Variants in BBX observed in about 807,000 individuals in gnomAD.
The protein encoded by BBX is HMG box transcription factor BBX.
A neutral mutation model predicts 100.2 loss-of-function variants in BBX; 30 were observed. The ratio of observed to expected loss-of-function variants is 0.30; its 90% CI spans 0.22 to 0.41. The LOEUF (loss-of-function observed/expected upper bound fraction) is 0.41. BBX is among the 10% of genes least tolerant of loss of function. The pLI, the probability that BBX is intolerant of heterozygous loss-of-function variation, is 1.00. For synonymous variants in BBX, 376 were observed against 388.1 expected (o/e 0.97, Z 0.37); for missense variants, 1,023 against 1,129.8 (o/e 0.91, Z 1.35).
At chr3:107,735,396 G>C (rs2063570960) in intron 7 of BBX, among the ~76,000 whole-genome samples, 1 of 152,016 alleles carries the variant, frequency 6.6e-6, no homozygotes, top group African/African-American at 2.4e-5. Flanking sequence ...GAAGTCTGTT[G>C]GTACTGTGAG....
rs574344378 is a variant in BBX, at chr3:107,695,978, G to A, written c.-9-14474G>A. 2.7e-3 allele frequency among the ~76,000 whole-genome samples: 407 copies of A among 151,800 alleles called. 14 individuals are homozygous for A. The highest frequency in any genetic ancestry group is 9.5e-3 in the African/African-American group (389 of 41,142). ...GCCTTCTTTGTCTCTTTTTATCTTT[G>A]TTGGTTTAAAGTCTGTTTTATCAGA... On this transcript the variant is annotated intron_variant, in intron 3 of 17. Coordinates refer to ENST00000325805, the MANE Select transcript of BBX (RefSeq NM_001142568.3).
chr3:107,599,181 T>C (rs1467835711), intron 2 of BBX: 1 of 152,212 alleles, frequency 6.6e-6, no homozygotes, highest in Admixed American at 6.5e-5. Context: ...AGGATGGATG[T>C]TCACGCTGTT....
At chr3:107,660,611 A>C (rs1014469592) in intron 3 of BBX, among the ~76,000 whole-genome samples, 14 of 152,044 alleles carry the variant, frequency 9.2e-5, no homozygotes, top group African/African-American at 3.4e-4. Flanking sequence ...TTCTGGTTTA[A>C]AAATTGCTGA....
In BBX at chr3:107,735,594, T is replaced by C. The variant is rs577798061; in HGVS notation, c.669+2571T>C. ...GTCCTCAAAAGACTATTTTTTTAAA[T>C]ATGAAAATTTTAACATAGGGAATAG... is the stretch of plus-strand genomic sequence containing the variant. On this transcript the variant is annotated intron_variant, in intron 7 of 17. Transcript: ENST00000325805. Among the ~76,000 whole-genome samples, 126 of 152,154 alleles carry C rather than the reference T, an allele frequency of 8.3e-4. 1 individual carries two copies. The highest frequency in any genetic ancestry group is 2.9e-3 in the African/African-American group (122 of 41,560).
At chr3:107,569,227 A>G (rs2051161813) in intron 2 of BBX, among the ~76,000 whole-genome samples, 1 of 152,204 alleles carries the variant, frequency 6.6e-6, no homozygotes, top group Non-Finnish European at 1.5e-5. Flanking sequence ...TACTTCCTTG[A>G]AAGTAACTGA....
chr3:107,583,296 A>G (rs2052421925), intron 2 of BBX, among the ~76,000 whole-genome samples: 1 of 152,018 alleles, frequency 6.6e-6, no homozygotes, highest in South Asian at 2.1e-4. Flanking sequence ...ATTGGAAAGG[A>G]ACTTGCAGAT....
rs1486210096 is a variant in BBX, at chr3:107,526,678, T to C, written c.-84+280T>C. 1.3e-5 allele frequency: 3 copies of C among 236,470 alleles called. No individual in the cohort carries two copies. The East Asian group carries it at 2.5e-4, about 20-fold the overall frequency. The allele number at this position is 236,470 out of a possible 1,614,324, so 14.6% of individuals were successfully genotyped here. On this transcript the variant is annotated intron_variant, in intron 2 of 17. Coordinates refer to ENST00000325805, the MANE Select transcript of BBX (RefSeq NM_001142568.3). ...ATAGACATTTTAATTTATAATGAAA[T>C]TTTACATGGCATTGAAGGTCTAGTA...
At chr3:107,684,600 C>G (rs752811154) in intron 3 of BBX, 15 of 152,142 alleles carry the variant, frequency 9.9e-5, no homozygotes, top group Admixed American at 2.0e-4. Flanking sequence ...GCAGCCACTT[C>G]TAGCCTGGCA....
chr3:107,582,998 A>G (rs2052399721), intron 2 of BBX, among the ~76,000 whole-genome samples: 3 of 151,610 alleles, frequency 2.0e-5, no homozygotes, highest in South Asian at 2.1e-4. Flanking sequence ...ACTTTTTTAT[A>G]TTCTCTTTTT....
intron 8 of BBX, 36 bp from the exon 9 acceptor site, chr3:107,747,929 G>C (rs1388794468): frequency 1.3e-6 from 2 of 1,542,988 alleles, no homozygotes; most frequent in Admixed American, 3.4e-5. Context: ...GTGGAAAAAT[G>C]TCATTGTATA....
intron 9 of BBX, among the ~76,000 whole-genome samples, chr3:107,754,039 C>T (rs1461675956): frequency 1.3e-5 from 2 of 152,150 alleles, no homozygotes; most frequent in African/African-American, 4.8e-5. Context: ...ATCTTCACAG[C>T]ATAATTGCGG....
At chr3:107,562,224 A>T (rs958838748) in intron 2 of BBX, among the ~76,000 whole-genome samples, 1 of 152,186 alleles carries the variant, frequency 6.6e-6, no homozygotes, top group Non-Finnish European at 1.5e-5. Context: ...GGGATCCCTT[A>T]TGAGCGTGAA....
chr3:107,679,485 A>G (rs1006194648), intron 3 of BBX, among the ~76,000 whole-genome samples: 2 of 152,130 alleles, frequency 1.3e-5, no homozygotes, highest in African/African-American at 2.4e-5. Flanking sequence ...TGATCTAATG[A>G]ACATTTATTA....
At chr3:107,724,127 A>G (rs1356717839) in intron 5 of BBX, among the ~76,000 whole-genome samples, 3 of 152,100 alleles carry the variant, frequency 2.0e-5, no homozygotes, top group Admixed American at 1.3e-4. Context: ...ATGGTATCTC[A>G]TTGTGGTTTT....
At chr3:107,777,532 G>T (rs1032128233) in intron 12 of BBX, among the ~76,000 whole-genome samples, 14 of 152,100 alleles carry the variant, frequency 9.2e-5, no homozygotes, top group African/African-American at 3.1e-4. Flanking sequence ...TCTTCCATCT[G>T]TCTAGGTTGC....
intron 3 of BBX, among the ~76,000 whole-genome samples, chr3:107,697,699 C>A (rs933401711): frequency 6.6e-6 from 1 of 151,876 alleles, no homozygotes; most frequent in East Asian, 1.9e-4. Flanking sequence ...GGCAGGCAGG[C>A]CTCCTTGAGC....
intron 2 of BBX, among the ~76,000 whole-genome samples, chr3:107,629,719 A>C (rs1366228731): frequency 6.6e-6 from 1 of 152,172 alleles, no homozygotes; most frequent in Non-Finnish European, 1.5e-5. Flanking sequence ...CACAGAATGC[A>C]TTCTTAATAT....
At chr3:107,678,901 A>G (rs1045845923) in intron 3 of BBX, among the ~76,000 whole-genome samples, 8 of 152,140 alleles carry the variant, frequency 5.3e-5, no homozygotes, top group Non-Finnish European at 1.2e-4. Flanking sequence ...AATGAAATAG[A>G]TACTGTTATT....
intron 2 of BBX, among the ~76,000 whole-genome samples, chr3:107,615,245 A>T (rs989329931): frequency 6.6e-6 from 1 of 152,204 alleles, no homozygotes; most frequent in Non-Finnish European, 1.5e-5. Flanking sequence ...ACTAGTATAT[A>T]TGAGAATAAG....
Sources: gnomAD v4.1 joint callset for allele counts (sites outside exome capture counted in the v4.1 genomes callset) on GRCh38, gnomAD v4.1.1 for gene constraint, MANE v1.5 for transcripts, NCBI Gene and HGNC (gene_info 2026-07-23, HGNC 2026-07-21) for gene names.